ISX: variants seen among roughly 807,000 people sequenced by gnomAD.
ISX encodes intestine specific homeobox, also known as intestine-specific homeobox.
In ISX, 15 loss-of-function variants were observed where a neutral mutation model predicts 16.9. The ratio of observed to expected loss-of-function variants is 0.89; its 90% CI spans 0.59 to 1.36. The LOEUF is 1.36. Ranked by LOEUF, ISX falls within the 40% of genes most tolerant of loss-of-function variation. The pLI, the probability that ISX is intolerant of heterozygous loss-of-function variation, is 0.00. For missense variants in ISX, 316 were observed against 306.1 expected (o/e 1.03, Z -0.24); for synonymous variants, 125 against 119.7 (o/e 1.04, Z -0.29).
intron 2 of ISX, 95 bp from the exon 3 acceptor site, chr22:35,082,423 C>G (rs1409986650): frequency 2.7e-5 from 32 of 1,203,070 alleles, no homozygotes; most frequent in Non-Finnish European, 2.9e-5. Flanking sequence ...TCGGGAGCAG[C>G]AGTGGGGTGG....
At chr22:35,074,389 C>T (rs965263982) in intron 2 of ISX, among the ~76,000 whole-genome samples, 2 of 152,192 alleles carry the variant, frequency 1.3e-5, no homozygotes, top group African/African-American at 2.4e-5. Flanking sequence ...CTGTTCCATG[C>T]TGGGATGATG....
At chr22:35,084,261 A>AC in intron 3 of ISX, 122 bp from the exon 4 acceptor site, 1 of 655,224 alleles carries the variant, frequency 1.5e-6, no homozygotes, top group African/African-American at 1.8e-5. Context: ...CCTGGATGCC[A>AC]CAGAGCTTTA....
At chr22:35,069,136 TA>T (rs1928784118) in intron 2 of ISX, among the ~76,000 whole-genome samples, 1 of 152,230 alleles carries the variant, frequency 6.6e-6, no homozygotes, top group Admixed American at 6.5e-5. Context: ...ACTAACCTTG[TA>T]TTTATGATGA....
intron 3 of ISX, among the ~76,000 whole-genome samples, chr22:35,083,951 C>T (rs1282417068): frequency 1.3e-5 from 2 of 152,270 alleles, no homozygotes; most frequent in African/African-American, 2.4e-5. Flanking sequence ...CACTGATGAC[C>T]CACACATGAC....
Position 35,066,932 on chromosome 22 carries a change from C to T in ISX, c.-156C>T. Reference sequence around the variant, plus strand: ...TGCTGTGACCTGCCCATGGAAGTCCCTGTGGACACGAAATCCTGTTTGGAT... The same window carrying T: ...TGCTGTGACCTGCCCATGGAAGTCCTTGTGGACACGAAATCCTGTTTGGAT... On this transcript the variant is annotated 5_prime_UTR_variant, in exon 2 of 5. Coordinates refer to ENST00000404699, the MANE Select transcript of ISX (RefSeq NM_001303508.2). The T allele has an allele frequency of 1.6e-6, 1 of 609,636 alleles. No homozygotes were observed. Among genetic ancestry groups the T allele is most frequent in the Non-Finnish European group, 2.9e-6 (1 of 344,686 alleles). 37.8% of individuals were successfully genotyped at this position (609,636 alleles called of 1,614,324 possible). A position where few individuals can be genotyped will look rare whatever the true frequency, so the allele number is the denominator to read the frequency against.
At position 35,085,657 on chromosome 22, in the gene ISX, C is replaced by A. The variant is rs1260656187; in HGVS notation, c.702C>A (p.His234Gln). 8.7e-6 allele frequency: 14 copies of A among 1,614,100 alleles called. No individual in the cohort carries two copies. Among genetic ancestry groups the A allele is most frequent in the Non-Finnish European group, 1.2e-5 (14 of 1,180,030 alleles). ...TGCTATGCATCCTTCCACCTCCACA[C>A]CCCAAATGGGGCAGCATCTGTGCTA... ...IPVLCILPPP[H>Q]PKWGSICATS... The change falls in exon 5 of 5, where the codon CAC (histidine) becomes CAA (glutamine). Residue 234 changes from histidine (H) to glutamine (Q), a missense_variant. Transcript: ENST00000404699.
At chr22:35,077,726 GCAGGCAGCCCCTCCCCCATGAAGT>G (rs1929021238) in intron 2 of ISX, among the ~76,000 whole-genome samples, 1 of 152,098 alleles carries the variant, frequency 6.6e-6, no homozygotes, top group African/African-American at 2.4e-5. Context: ...CTATGACTTG[GCAGGCAGCCCCTCCCCCATGAAGT>G]CAGCAGTCAG....
rs1303066212 is a variant in ISX at position 35,085,919 on chromosome 22, C to T, written c.*226C>T. 1.4e-5 allele frequency: 8 copies of T among 583,370 alleles called. No individual in the cohort carries two copies. The highest frequency in any genetic ancestry group is 2.4e-5 in the Non-Finnish European group (8 of 329,158). The allele number at this position is 583,370 out of a possible 1,614,324, so 36.1% of individuals were successfully genotyped here. A position where few individuals can be genotyped will look rare whatever the true frequency, so the allele number is the denominator to read the frequency against. On this transcript the variant is annotated 3_prime_UTR_variant, in exon 5 of 5. Coordinates refer to ENST00000404699, the MANE Select transcript of ISX (RefSeq NM_001303508.2). ...CCTGGCTAAAGCTGCTCTCCTGGTT[C>T]AGAAGACAGGCTGGATGAGATCTCA...
In ISX at chr22:35,087,355, G is replaced by A. The variant is rs1449021607; in HGVS notation, c.*1662G>A. Reference sequence around the variant, plus strand: ...CCATTTTAGGACCCTACACTCAAATGTGCAAAATAAAATTTCTATCATTTT... The same window carrying A: ...CCATTTTAGGACCCTACACTCAAATATGCAAAATAAAATTTCTATCATTTT... On this transcript the variant is annotated 3_prime_UTR_variant, in exon 5 of 5. Transcript: ENST00000404699. 3 of 152,198 alleles carry A rather than the reference G, an allele frequency of 2.0e-5. No homozygotes were observed. The highest frequency in any genetic ancestry group is 4.8e-5 in the African/African-American group (2 of 41,460). The allele number at this position is 152,198 out of a possible 1,614,324, so 9.4% of individuals were successfully genotyped here. A position where few individuals can be genotyped will look rare whatever the true frequency, so the allele number is the denominator to read the frequency against.
chr22:35,085,311 C>T, intron 4 of ISX, 143 bp from the exon 5 acceptor site: 1 of 1,005,078 alleles, frequency 9.9e-7, no homozygotes. Flanking sequence ...ACTTTCAGAG[C>T]TAAACCCAGA....
intron 2 of ISX, among the ~76,000 whole-genome samples, chr22:35,071,033 T>C (rs4821349): frequency 6.6e-6 from 1 of 152,112 alleles, no homozygotes; most frequent in Non-Finnish European, 1.5e-5. Flanking sequence ...CATGCTGCAG[T>C]TCATCAAGGA....
At chr22:35,069,549 G>A (rs905756374) in intron 2 of ISX, among the ~76,000 whole-genome samples, 1 of 152,176 alleles carries the variant, frequency 6.6e-6, no homozygotes, top group South Asian at 2.1e-4. Flanking sequence ...GAAAAACCTT[G>A]CAGGATTCCC....
chr22:35,078,052 T>C (rs1010701210), intron 2 of ISX, among the ~76,000 whole-genome samples: 1 of 152,186 alleles, frequency 6.6e-6, no homozygotes, highest in Non-Finnish European at 1.5e-5. Flanking sequence ...TTTCCTGTAT[T>C]CTGGTTCCAC....
intron 3 of ISX, among the ~76,000 whole-genome samples, chr22:35,083,694 C>G (rs564661912): frequency 4.6e-5 from 7 of 152,196 alleles, no homozygotes; most frequent in Non-Finnish European, 1.0e-4. Flanking sequence ...TTATTCTATC[C>G]TTTCCTTCTG....
At chr22:35,067,706 T>A (rs996732706) in intron 2 of ISX, among the ~76,000 whole-genome samples, 5 of 152,144 alleles carry the variant, frequency 3.3e-5, no homozygotes, top group Non-Finnish European at 1.5e-5. Context: ...GAGGATAATG[T>A]CCCCAAGTTA....
rs537499339 is a variant in ISX, at chr22:35,085,380, A to G, written c.499-74A>G. 4,748 of 1,583,576 alleles carry G rather than the reference A, an allele frequency of 3.0e-3. 12 individuals are homozygous for G. Among genetic ancestry groups the G allele is most frequent in the Middle Eastern group, 4.2e-3 (25 of 5,992 alleles). On this transcript the variant is annotated intron_variant, in intron 4 of 4. Coordinates refer to ENST00000404699, the MANE Select transcript of ISX (RefSeq NM_001303508.2). ...CTACCCACTCTTAGCTGCCCAAGCC[A>G]TGGAGGGAAACGCTGAGAAGCTGCA...
At chr22:35,077,445 C>G (rs1929013182) in intron 2 of ISX, among the ~76,000 whole-genome samples, 1 of 152,258 alleles carries the variant, frequency 6.6e-6, no homozygotes, top group South Asian at 2.1e-4. Context: ...GGACACTGCT[C>G]TAACCTCATT....
At chr22:35,084,609 T>C (rs897837741) in intron 4 of ISX, 110 bp downstream of exon 4, 2 of 646,212 alleles carry the variant, frequency 3.1e-6, no homozygotes, top group Admixed American at 3.0e-5. Flanking sequence ...CAGGAAAAAG[T>C]GCAAGGAAAA....
Position 35,082,509 on chromosome 22 carries a change from C to G in ISX, c.230-9C>G. ...GCCACTGACACAACTTGGACCCTCT[C>G]CCATGCAGAAGGAAGGAAGAGCAAG... On this transcript the variant is annotated splice_polypyrimidine_tract_variant and intron_variant, in intron 2 of 4. Transcript: ENST00000404699. 1.2e-6 allele frequency: 2 copies of G among 1,613,752 alleles called. No individual in the cohort carries two copies. Among genetic ancestry groups the G allele is most frequent in the Non-Finnish European group, 1.7e-6 (2 of 1,179,754 alleles).
Sources: allele counts gnomAD v4.1 joint callset (sites outside exome capture counted in the v4.1 genomes callset), GRCh38; gene constraint gnomAD v4.1.1; transcripts MANE v1.5; gene names NCBI Gene and HGNC (gene_info 2026-07-23, HGNC 2026-07-21).